C7: variants seen among roughly 807,000 people sequenced by gnomAD.
The protein encoded by C7 is complement C7.
In C7, 83 loss-of-function variants were observed where a neutral mutation model predicts 104.8. The ratio of observed to expected loss-of-function variants is 0.79; its 90% CI spans 0.66 to 0.95. C7 has a LOEUF of 0.95. C7 is among the 40% of genes least tolerant of loss of function. C7 has a pLI of 0.00. For synonymous variants in C7, 415 were observed against 360.6 expected (o/e 1.15, Z -1.71); for missense variants, 1,070 against 1,011.2 (o/e 1.06, Z -0.79).
At chr5:40,959,069 C>T (rs1015518985) in intron 11 of C7, among the ~76,000 whole-genome samples, 4 of 152,078 alleles carry the variant, frequency 2.6e-5, no homozygotes, top group African/African-American at 9.7e-5. Flanking sequence ...GCTTGGATTT[C>T]CCCTTATCTG....
intron 7 of C7, 94 bp downstream of exon 7, chr5:40,945,462 C>T (rs1740027126): frequency 2.4e-6 from 2 of 818,002 alleles, no homozygotes; most frequent in African/African-American, 3.6e-5. Flanking sequence ...GATCAGCTTT[C>T]ATATTAAAAT....
chr5:40,915,139 A>C, intron 1 of C7, among the ~76,000 whole-genome samples: 1 of 152,236 alleles, frequency 6.6e-6, no homozygotes, highest in East Asian at 1.9e-4. Flanking sequence ...TAGTAGGAAG[A>C]CGTCCAAAGA....
chr5:40,975,390 G>A (rs1170152681), intron 15 of C7, among the ~76,000 whole-genome samples: 1 of 145,724 alleles, frequency 6.9e-6, no homozygotes, highest in Admixed American at 6.9e-5. Flanking sequence ...TTGAGACAAG[G>A]TCTCGCTTGT....
At chr5:40,954,703 G>A (rs1489732090) in intron 9 of C7, among the ~76,000 whole-genome samples, 2 of 151,494 alleles carry the variant, frequency 1.3e-5, no homozygotes, top group Non-Finnish European at 2.9e-5. Context: ...GGCCAACATG[G>A]TGAAACCCCA....
intron 14 of C7, among the ~76,000 whole-genome samples, chr5:40,968,279 C>A (rs995997037): frequency 2.0e-5 from 3 of 151,662 alleles, no homozygotes; most frequent in Non-Finnish European, 4.4e-5. Context: ...GCATGCAGCA[C>A]TGCATCTGGC....
chr5:40,944,888 CT>C (rs1740012888), intron 6 of C7, among the ~76,000 whole-genome samples: 1 of 151,922 alleles, frequency 6.6e-6, no homozygotes, highest in African/African-American at 2.4e-5. Context: ...GTCAGTGTAG[CT>C]TTTGTTAATT....
At chr5:40,950,560 C>T (rs1418135371) in intron 9 of C7, among the ~76,000 whole-genome samples, 1 of 152,082 alleles carries the variant, frequency 6.6e-6, no homozygotes, top group Non-Finnish European at 1.5e-5. Context: ...GCTTTTGAGG[C>T]TTTATCAGGG....
At position 40,945,350 on chromosome 5, in the gene C7, T is replaced by C. The variant is rs767360474; in HGVS notation, c.720T>C (p.Asn240=). The C allele has an allele frequency of 4.4e-5, 70 of 1,593,376 alleles. No individual in the cohort carries two copies. Among genetic ancestry groups the C allele is most frequent in the Non-Finnish European group, 3.1e-5 (36 of 1,174,026 alleles). The change falls in exon 7 of 18, where the codon AAT becomes AAC. Residue 240 remains asparagine, a synonymous_variant. Coordinates refer to ENST00000313164, the MANE Select transcript of C7 (RefSeq NM_000587.4). The stretch of plus-strand genomic sequence containing the variant: ...CACGCAGTTATACTTCACATACCAA[T>C]GAAATCCATAAAGGAAAGGTTAGTA... ...SSSRSYTSHT[N]EIHKGKSYQL... is the part of the protein sequence containing the mutation.
intron 1 of C7, among the ~76,000 whole-genome samples, chr5:40,917,441 AC>A (rs1465154030): frequency 2.6e-5 from 4 of 152,154 alleles, no homozygotes; most frequent in Non-Finnish European, 5.9e-5. Flanking sequence ...CCATGTTGTC[AC>A]AAATGACAGA....
At chr5:40,933,565 C>T (rs564122778) in intron 3 of C7, among the ~76,000 whole-genome samples, 1 of 152,158 alleles carries the variant, frequency 6.6e-6, no homozygotes, top group Admixed American at 6.5e-5. Context: ...TCTTTTCCCT[C>T]AAGAGGTTTG....
At chr5:40,979,964 G>A in intron 17 of C7, 55 bp downstream of exon 17, 1 of 1,440,796 alleles carries the variant, frequency 6.9e-7, no homozygotes, top group Non-Finnish European at 9.3e-7. Flanking sequence ...CAGTACTGAG[G>A]ATTTAAAAAA....
intron 12 of C7, among the ~76,000 whole-genome samples, chr5:40,960,860 A>T (rs12187430): frequency 0.11 from 16,177 of 152,084 alleles, 1,140 homozygotes; most frequent in Non-Finnish European, 0.16. Flanking sequence ...CTTGAAAACC[A>T]TTGTTTAATG....
rs1741009464 is a variant in C7, at chr5:40,984,019, G to A, written c.*2446G>A. Among the ~76,000 whole-genome samples, 1 of 152,174 alleles carries A rather than the reference G, an allele frequency of 6.6e-6. No individual in the cohort carries two copies. On this transcript the variant is annotated 3_prime_UTR_variant, in exon 18 of 18. Coordinates refer to ENST00000313164, the MANE Select transcript of C7 (RefSeq NM_000587.4). ...CTTCAGGGAGCTATGTGGAGGCCAA[G>A]GCACATCCTACAGATCATCGCTTAC... is the stretch of plus-strand genomic sequence containing the variant.
rs543163852 is a variant in C7, at chr5:40,924,983, A to G, written c.7-3597A>G. 1.4e-3 allele frequency among the ~76,000 whole-genome samples: 210 copies of G among 152,184 alleles called. 2 individuals are homozygous for G. The highest frequency in any genetic ancestry group is 2.5e-3 in the Non-Finnish European group (172 of 68,032). On this transcript the variant is annotated intron_variant, in intron 1 of 17. Transcript: ENST00000313164. ...GGGCCTCTTCTCCATTGTCTTGGCT[A>G]TTAACACTTGGCTTCCTTTTAGTCA...
chr5:40,934,034 A>G (rs1384708923), intron 3 of C7, among the ~76,000 whole-genome samples: 2 of 149,614 alleles, frequency 1.3e-5, no homozygotes, highest in African/African-American at 5.0e-5. Context: ...ACTTTCTTAA[A>G]GATTCACTAA....
chr5:40,923,714 C>T (rs1442644854), intron 1 of C7, among the ~76,000 whole-genome samples: 1 of 150,980 alleles, frequency 6.6e-6, no homozygotes, highest in Non-Finnish European at 1.5e-5. Context: ...CCATTGCACT[C>T]CAGCCTGAGC....
At chr5:40,965,639 T>TAC (rs1740528377) in intron 14 of C7, among the ~76,000 whole-genome samples, 1 of 80,394 alleles carries the variant, frequency 1.2e-5, no homozygotes, top group African/African-American at 7.2e-5. Context: ...TATATATATA[T>TAC]ATATATATAT....
intron 14 of C7, among the ~76,000 whole-genome samples, chr5:40,970,130 T>C (rs936142665): frequency 7.9e-5 from 12 of 152,196 alleles, no homozygotes; most frequent in Non-Finnish European, 1.6e-4. Context: ...TGGATTTTTG[T>C]ATATATTCAT....
intron 6 of C7, among the ~76,000 whole-genome samples, chr5:40,938,222 T>C (rs1739857248): frequency 6.6e-6 from 1 of 152,126 alleles, no homozygotes; most frequent in Admixed American, 6.6e-5. Context: ...TCCCTCTCAC[T>C]CCTCAGGCAA....
Sources: gnomAD v4.1 joint callset for allele counts (sites outside exome capture counted in the v4.1 genomes callset) on GRCh38, gnomAD v4.1.1 for gene constraint, MANE v1.5 for transcripts, NCBI Gene and HGNC (gene_info 2026-07-23, HGNC 2026-07-21) for gene names.